The following PDILT variants were observed in gnomAD, a reference collection of about 807,000 sequenced individuals.
PDILT encodes protein disulfide isomerase like, testis expressed, also known as protein disulfide-isomerase-like protein of the testis.
A neutral mutation model predicts 53.7 loss-of-function variants in PDILT; 43 were observed. The ratio of observed to expected loss-of-function variants is 0.80; its 90% confidence interval spans 0.63 to 1.03. The LOEUF (loss-of-function observed/expected upper bound fraction) is 1.03. Among genes scored for constraint, PDILT ranks in the 50% least tolerant of loss-of-function variants. PDILT has a pLI of 0.00. For missense variants in PDILT, 727 were observed against 712.3 expected (o/e 1.02, Z -0.24); for synonymous variants, 282 against 274.2 (o/e 1.03, Z -0.28).
At chr16:20,377,186 G>A (rs1371740149) in intron 3 of PDILT, among the ~76,000 whole-genome samples, 1 of 152,114 alleles carries the variant, frequency 6.6e-6, no homozygotes, top group Non-Finnish European at 1.5e-5. Flanking sequence ...TACTTGGGAG[G>A]CTGAGGCAGA....
rs1314527781 is a variant in PDILT, at chr16:20,394,051, T to C, written c.202+5048A>G. Among the ~76,000 whole-genome samples, 6 of 151,928 alleles carry C rather than the reference T, an allele frequency of 3.9e-5. No individual in the cohort carries two copies. The East Asian group carries it at 7.7e-4, about 20-fold the overall frequency. On this transcript the variant is annotated intron_variant, in intron 2 of 11. Transcript: ENST00000302451. ...GAGGAGGAGTCATAGAAAAGAACTG[T>C]GAAAAAGGAGCCAGAGAGATACACA...
At chr16:20,368,492 G>A (rs1267973192) in intron 8 of PDILT, among the ~76,000 whole-genome samples, 1 of 152,196 alleles carries the variant, frequency 6.6e-6, no homozygotes, top group Non-Finnish European at 1.5e-5. Context: ...TATAGGGGCA[G>A]CTGTGTCTCT....
rs1437768927 is a variant in PDILT at position 20,366,299 on chromosome 16, T to C, written c.1117-759A>G. ...CAGCTCAGGCCTTTGTTAATGCTGT[T>C]CCCTCTGGCTGACAGGCCTCCCCAC... On this transcript the variant is annotated intron_variant, in intron 8 of 11. Coordinates refer to ENST00000302451, the MANE Select transcript of PDILT (RefSeq NM_174924.2). 2.0e-5 allele frequency among the ~76,000 whole-genome samples: 3 copies of C among 152,186 alleles called. No individual in the cohort carries two copies. The East Asian group carries it at 5.8e-4, about 29-fold the overall frequency.
At chr16:20,374,750 G>A (rs1966358036) in intron 5 of PDILT, 72 bp downstream of exon 5, 1 of 1,502,996 alleles carries the variant, frequency 6.7e-7, no homozygotes, top group African/African-American at 1.4e-5. Flanking sequence ...ACCAGAATTT[G>A]TACCCAAAGC....
intron 2 of PDILT, among the ~76,000 whole-genome samples, chr16:20,395,271 C>T (rs1453659464): frequency 6.6e-6 from 1 of 152,174 alleles, no homozygotes; most frequent in African/African-American, 2.4e-5. Flanking sequence ...TTAGAAACAT[C>T]CATGGGCCTA....
chr16:20,396,202 G>A (rs78088302), intron 2 of PDILT, among the ~76,000 whole-genome samples: 5,943 of 152,148 alleles, frequency 0.039, 180 homozygotes, highest in South Asian at 0.051. Context: ...CAATATTCTC[G>A]CTTTACAGGT....
chr16:20,391,799 A>G (rs1966609563), intron 2 of PDILT, among the ~76,000 whole-genome samples: 1 of 151,962 alleles, frequency 6.6e-6, no homozygotes, highest in Admixed American at 6.6e-5. Flanking sequence ...GGAGCATAGG[A>G]AGGCCTCCCA....
Position 20,384,791 on chromosome 16 carries a change from A to T in PDILT, c.263T>A (p.Ile88Asn), listed in dbSNP as rs1167772513. Residue 88 changes from isoleucine (I) to asparagine (N), a missense_variant, in exon 3 of 12, where the codon ATC becomes AAC. Physicochemically the swap from Ile to Asn is moderately radical, Grantham distance 149. Coordinates refer to ENST00000302451, the MANE Select transcript of PDILT (RefSeq NM_174924.2). ...GATCCCATTCTTGCCTTTGCCCATG[A>T]TCTCCACAGCTTTGCCCAGCTCTTC... Reference protein sequence around the residue: ...LAEELGKAVEIMGKGKNGIGF... With the variant: ...LAEELGKAVENMGKGKNGIGF... The T allele has an allele frequency of 3.1e-6, 5 of 1,614,058 alleles. No individual in the cohort carries two copies. Among genetic ancestry groups the T allele is most frequent in the African/African-American group, 2.7e-5 (2 of 74,986 alleles).
At chr16:20,386,592 G>A (rs1311589933) in intron 2 of PDILT, among the ~76,000 whole-genome samples, 1 of 152,236 alleles carries the variant, frequency 6.6e-6, no homozygotes, top group African/African-American at 2.4e-5. Context: ...GGATCGGAAA[G>A]TGAATGATCG....
chr16:20,382,692 C>T (rs1216727766), intron 3 of PDILT, among the ~76,000 whole-genome samples: 2 of 152,166 alleles, frequency 1.3e-5, no homozygotes, highest in Non-Finnish European at 1.5e-5. Context: ...TGTGTCAGGC[C>T]GTGTGCCTTG....
At chr16:20,383,433 T>C (rs1397673421) in intron 3 of PDILT, among the ~76,000 whole-genome samples, 2 of 152,064 alleles carry the variant, frequency 1.3e-5, no homozygotes, top group Middle Eastern at 3.2e-3. Flanking sequence ...CTTCTCTCAC[T>C]GCTCCCGCCC....
At chr16:20,401,171 G>C (rs186693916) in intron 1 of PDILT, among the ~76,000 whole-genome samples, 1 of 152,128 alleles carries the variant, frequency 6.6e-6, no homozygotes, top group Non-Finnish European at 1.5e-5. Flanking sequence ...TCAGCCAAAG[G>C]GCTCATTACT....
At chr16:20,402,290 A>ATCTTT (rs57705875) in intron 1 of PDILT, among the ~76,000 whole-genome samples, 128,898 of 149,546 alleles carry the variant, frequency 0.86, 56,190 homozygotes, top group Non-Finnish European at 0.92. Context: ...AGGAGTGTTG[A>ATCTTT]TCTTTTCTTT....
intron 10 of PDILT, among the ~76,000 whole-genome samples, chr16:20,361,820 A>G (rs1966105506): frequency 6.6e-6 from 1 of 152,170 alleles, no homozygotes; most frequent in African/African-American, 2.4e-5. Flanking sequence ...TCTGCCCTCC[A>G]GAAGCTCTTC....
chr16:20,371,721 AT>A (rs2141712338), intron 7 of PDILT, among the ~76,000 whole-genome samples: 1 of 152,330 alleles, frequency 6.6e-6, no homozygotes, highest in East Asian at 1.9e-4. Context: ...GTTAAAAAAA[AT>A]GGAAGAAAAT....
intron 10 of PDILT, 33 bp downstream of exon 10, chr16:20,362,371 T>C (rs757012869): frequency 6.2e-7 from 1 of 1,608,212 alleles, no homozygotes; most frequent in Non-Finnish European, 8.5e-7. Flanking sequence ...CATAACATTG[T>C]TTTCAGCCAT....
At chr16:20,375,415 C>G (rs1966370616) in intron 4 of PDILT, among the ~76,000 whole-genome samples, 1 of 152,186 alleles carries the variant, frequency 6.6e-6, no homozygotes. Context: ...GATAGTCTCT[C>G]TGTGTTAAAT....
intron 2 of PDILT, among the ~76,000 whole-genome samples, chr16:20,395,303 A>G (rs1210815718): frequency 6.6e-6 from 1 of 152,252 alleles, no homozygotes; most frequent in Non-Finnish European, 1.5e-5. Flanking sequence ...ATAAGATGTT[A>G]CCAAAGTGAT....
intron 1 of PDILT, among the ~76,000 whole-genome samples, chr16:20,402,506 C>T (rs1043036021): frequency 3.3e-5 from 5 of 152,140 alleles, no homozygotes; most frequent in African/African-American, 4.8e-5. Flanking sequence ...GCCATGTTGG[C>T]CAGGCTGGTC....
Sources: gnomAD v4.1 joint callset for allele counts (sites outside exome capture counted in the v4.1 genomes callset) on GRCh38, gnomAD v4.1.1 for gene constraint, MANE v1.5 for transcripts, NCBI Gene and HGNC (gene_info 2026-07-23, HGNC 2026-07-21) for gene names.